Variants in ALKAL2 observed in about 807,000 individuals in gnomAD.
The protein encoded by ALKAL2 is ALK and LTK ligand 2.
In ALKAL2, 8 loss-of-function variants were observed where a neutral mutation model predicts 18.5. The observed-to-expected ratio is 0.43, with a 90% CI of 0.25 to 0.78. The LOEUF (loss-of-function observed/expected upper bound fraction) is 0.78, where lower values mean the gene tolerates loss of function less well. ALKAL2 is among the 30% of genes least tolerant of loss of function. The pLI, the probability that ALKAL2 is intolerant of heterozygous loss-of-function variation, is 0.22. For synonymous variants in ALKAL2, 135 were observed against 95.8 expected, an observed-to-expected ratio of 1.41 and a Z score of -2.39; for missense variants, 241 against 211.2, an observed-to-expected ratio of 1.14 and a Z score of -0.88.
chr2:287,552 CCGGCCCTCGGGCGCGCT>C lies in ALKAL2; in HGVS notation c.253+14_253+30del, dbSNP rs781143428. 2,468 of 1,355,078 alleles carry C rather than the reference CCGGCCCTCGGGCGCGCT, an allele frequency of 1.8e-3. 4 individuals are homozygous for C. Among genetic ancestry groups the C allele is most frequent in the Non-Finnish European group, 1.9e-3 (2,030 of 1,056,650 alleles). The allele number at this position is 1,355,078 out of a possible 1,614,324, so 83.9% of individuals were successfully genotyped here. On this transcript the variant is annotated intron_variant, in intron 2 of 5. Coordinates refer to ENST00000403610, the MANE Select transcript of ALKAL2 (RefSeq NM_001002919.3). ...AAGACAATTCTATTTCCCAGCAGCCCCGGCCCTCGGGCGCGCTCGGCCCCACTCACCCACTCGCTGCT... is the reference window on the plus strand; with the variant it reads ...AAGACAATTCTATTTCCCAGCAGCCCCGGCCCCACTCACCCACTCGCTGCT...
At chr2:281,553 A>G (rs1022564735) in intron 5 of ALKAL2, among the ~76,000 whole-genome samples, 7 of 152,338 alleles carry the variant, frequency 4.6e-5, no homozygotes, top group East Asian at 3.9e-4. Context: ...GCAGAGACCC[A>G]TACAGGAGCC....
chr2:287,959 G>A (rs2103087497), intron 1 of ALKAL2, 54 bp downstream of exon 1: 2 of 1,230,242 alleles, frequency 1.6e-6, no homozygotes, highest in South Asian at 7.1e-5. Context: ...AGCGCGGGGC[G>A]GGGGAGGGGA....
At position 286,214 on chromosome 2, in the gene ALKAL2, G is replaced by A; in HGVS notation, c.308-11C>T. The A allele has an allele frequency of 1.2e-6, 2 of 1,613,608 alleles. No individual in the cohort carries two copies. The highest frequency in any genetic ancestry group is 1.7e-6 in the Non-Finnish European group (2 of 1,179,620). ...TAAAATAAAGAGGGCCTGGAACACG[G>A]AAGAAGAAACAGATCATGAAGACTC... On this transcript the variant is annotated splice_polypyrimidine_tract_variant and intron_variant, in intron 3 of 5. Transcript: ENST00000403610.
At chr2:281,064 G>T (rs1161011106) in intron 5 of ALKAL2, among the ~76,000 whole-genome samples, 1 of 152,206 alleles carries the variant, frequency 6.6e-6, no homozygotes, top group Non-Finnish European at 1.5e-5. Flanking sequence ...CTGCCCTCTG[G>T]TGTCTCACTG....
intron 4 of ALKAL2, 180 bp from the exon 5 acceptor site, chr2:283,355 TGCTTCAAGGGCTTGA>T: frequency 1.0e-6 from 1 of 985,430 alleles, no homozygotes. Flanking sequence ...TAATTTATGG[TGCTTCAAGGGCTTGA>T]GCTTCAATGG....
Position 287,674 on chromosome 2 carries a change from C to G in ALKAL2, c.162G>C (p.Ala54=), listed in dbSNP as rs749000036. The part of the protein sequence containing the change: ...LVQELRKHHS[A]EHKGLQLLGR... ...CGAGGAGCTGCAGGCCCTTGTGCTC[C>G]GCCGAGTGGTGCTTCCGCAGCTCCT... The change falls in exon 2 of 6, where the codon GCG becomes GCC. Residue 54 remains alanine (A), a synonymous_variant. Transcript: ENST00000403610. 1.3e-6 allele frequency: 2 copies of G among 1,483,024 alleles called. No homozygotes were observed. Among genetic ancestry groups the G allele is most frequent in the South Asian group, 2.5e-5 (2 of 78,506 alleles). 91.9% of individuals were successfully genotyped at this position (1,483,024 alleles called of 1,614,324 possible). A position where few individuals can be genotyped will look rare whatever the true frequency, so the allele number is the denominator to read the frequency against.
In ALKAL2 at chr2:283,244, T is replaced by A. The variant is rs868395172; in HGVS notation, c.389-69A>T. On this transcript the variant is annotated intron_variant, in intron 4 of 5. Transcript: ENST00000403610. ...CAAATAAATCGCATTTTTTTGCAAGTATATCAGCTACTAAAGCCATTTATT... is the reference window on the plus strand; with the variant it reads ...CAAATAAATCGCATTTTTTTGCAAGAATATCAGCTACTAAAGCCATTTATT... The A allele has an allele frequency of 2.1e-4, 326 of 1,551,678 alleles. No homozygotes were observed. In the Middle Eastern group the frequency reaches 5.0e-3, roughly 24 times the overall value.
rs575393345 is a variant in ALKAL2 at position 279,700 on chromosome 2, C to T, written c.*447G>A. The T allele has an allele frequency of 6.1e-6, 1 of 165,148 alleles. No individual in the cohort carries two copies. The highest frequency in any genetic ancestry group is 2.4e-5 in the African/African-American group (1 of 42,008). The allele number at this position is 165,148 out of a possible 1,614,324, so 10.2% of individuals were successfully genotyped here. A position where few individuals can be genotyped will look rare whatever the true frequency, so the allele number is the denominator to read the frequency against. ...GATTTACACTCCACTGTCTCTAAAACATGACCGAAATTTTAATTTTTCATG... is the reference window on the plus strand; with the variant it reads ...GATTTACACTCCACTGTCTCTAAAATATGACCGAAATTTTAATTTTTCATG... On this transcript the variant is annotated 3_prime_UTR_variant, in exon 6 of 6. Coordinates refer to ENST00000403610, the MANE Select transcript of ALKAL2 (RefSeq NM_001002919.3).
At chr2:283,357 C>T (rs1670413083) in intron 4 of ALKAL2, 182 bp from the exon 5 acceptor site, 1 of 985,398 alleles carries the variant, frequency 1.0e-6, no homozygotes, top group Non-Finnish European at 1.2e-6. Context: ...ATTTATGGTG[C>T]TTCAAGGGCT....
chr2:286,507 A>C (rs1055852251), intron 2 of ALKAL2, 164 bp from the exon 3 acceptor site: 8 of 580,098 alleles, frequency 1.4e-5, no homozygotes, highest in South Asian at 9.4e-5. Context: ...ACAGTGAAGA[A>C]GACTCAATAT....
rs1472690288 is a variant in ALKAL2 at position 287,908 on chromosome 2, C to G, written c.-57-16G>C. The G allele has an allele frequency of 8.6e-7, 1 of 1,161,312 alleles. No individual in the cohort carries two copies. The highest frequency in any genetic ancestry group is 1.6e-5 in the African/African-American group (1 of 61,002). The allele number at this position is 1,161,312 out of a possible 1,614,324, so 71.9% of individuals were successfully genotyped here. Reference sequence around the variant, plus strand: ...GCTGGGCTCGCTGCGAGAGAAGGGGCGCGGGGGGCCGGAGAGAAAGTCAGC... The same window carrying G: ...GCTGGGCTCGCTGCGAGAGAAGGGGGGCGGGGGGCCGGAGAGAAAGTCAGC... On this transcript the variant is annotated splice_polypyrimidine_tract_variant and intron_variant, in intron 1 of 5. Coordinates refer to ENST00000403610, the MANE Select transcript of ALKAL2 (RefSeq NM_001002919.3).
intron 5 of ALKAL2, among the ~76,000 whole-genome samples, chr2:281,237 G>A (rs1014494410): frequency 1.1e-4 from 16 of 152,320 alleles, no homozygotes; most frequent in Non-Finnish European, 1.6e-4. Flanking sequence ...TAAAAAATAG[G>A]AGTTATGAAA....
In ALKAL2 at chr2:288,065, G is replaced by A; in HGVS notation, c.-110C>T. 1.7e-6 allele frequency: 2 copies of A among 1,205,868 alleles called. No homozygotes were observed. The highest frequency in any genetic ancestry group is 2.1e-6 in the Non-Finnish European group (2 of 972,486). The allele number at this position is 1,205,868 out of a possible 1,614,324, so 74.7% of individuals were successfully genotyped here. A position where few individuals can be genotyped will look rare whatever the true frequency, so the allele number is the denominator to read the frequency against. On this transcript the variant is annotated 5_prime_UTR_variant, in exon 1 of 6. Coordinates refer to ENST00000403610, the MANE Select transcript of ALKAL2 (RefSeq NM_001002919.3). Reference sequence around the variant, plus strand: ...CAGGTGAGGGAGCCGCGGTCTCCTCGACGATCACGCCCGAGGTCCCGCCCA... The same window carrying A: ...CAGGTGAGGGAGCCGCGGTCTCCTCAACGATCACGCCCGAGGTCCCGCCCA...
chr2:284,382 G>C (rs1395692755), intron 4 of ALKAL2, among the ~76,000 whole-genome samples: 3 of 152,206 alleles, frequency 2.0e-5, no homozygotes, highest in African/African-American at 7.2e-5. Context: ...ACCACACTTT[G>C]AGAAGGCACT....
In ALKAL2 at chr2:286,962, G is replaced by GC. The variant is rs1670531160; in HGVS notation, c.253+620dup. The GC allele has an allele frequency of 2.6e-5, 4 of 152,320 alleles. No individual in the cohort carries two copies. In the South Asian group the frequency reaches 8.3e-4, roughly 32 times the overall value. 9.4% of individuals were successfully genotyped at this position (152,320 alleles called of 1,614,324 possible). ...GCACACAGTGGGTGGGGAGAACCCT[G>GC]CAAGGGCGTTCTTCTTGAGTTCAGC... On this transcript the variant is annotated intron_variant, in intron 2 of 5. Transcript: ENST00000403610.
intron 4 of ALKAL2, among the ~76,000 whole-genome samples, chr2:284,020 CAG>C (rs772754988): frequency 6.6e-6 from 1 of 152,194 alleles, no homozygotes; most frequent in African/African-American, 2.4e-5. Context: ...ATTTTTCAAA[CAG>C]AAAATGTTTT....
rs2103078874 is a variant in ALKAL2, at chr2:279,570, A to C, written c.*577T>G. The C allele has an allele frequency of 6.5e-6, 1 of 153,174 alleles. No individual in the cohort carries two copies. The highest frequency in any genetic ancestry group is 1.5e-5 in the Non-Finnish European group (1 of 68,320). 9.5% of individuals were successfully genotyped at this position (153,174 alleles called of 1,614,324 possible). A position where few individuals can be genotyped will look rare whatever the true frequency, so the allele number is the denominator to read the frequency against. ...CTTTGAAGACTAGTCATTATAACAA[A>C]CACTTCATTTATTACTTGTGTTTAT... is the stretch of plus-strand genomic sequence containing the variant. On this transcript the variant is annotated 3_prime_UTR_variant, in exon 6 of 6. Coordinates refer to ENST00000403610, the MANE Select transcript of ALKAL2 (RefSeq NM_001002919.3).
At chr2:286,861 T>C (rs1017165176) in intron 2 of ALKAL2, 1 of 152,632 alleles carries the variant, frequency 6.6e-6, no homozygotes, top group African/African-American at 2.4e-5. Context: ...AGTGGGAATA[T>C]GCATGAACCT....
In ALKAL2 at chr2:286,358, AGAAAG is replaced by A; in HGVS notation, c.254-20_254-16del. 1 of 1,598,422 alleles carries A rather than the reference AGAAAG, an allele frequency of 6.3e-7. No individual in the cohort carries two copies. The highest frequency in any genetic ancestry group is 1.1e-5 in the South Asian group (1 of 89,058). On this transcript the variant is annotated splice_polypyrimidine_tract_variant and intron_variant, in intron 2 of 5. Coordinates refer to ENST00000403610, the MANE Select transcript of ALKAL2 (RefSeq NM_001002919.3). ...AGGAACAATTTCTGTTTCAGGGAAA[AGAAAG>A]TATTATATTACCTGAAGGACGCATT... is the stretch of plus-strand genomic sequence containing the variant.
Sources: allele counts gnomAD v4.1 joint callset (sites outside exome capture counted in the v4.1 genomes callset), GRCh38; gene constraint gnomAD v4.1.1; transcripts MANE v1.5; gene names NCBI Gene and HGNC (gene_info 2026-07-23, HGNC 2026-07-21).